SHISA6: variants seen among roughly 807,000 people sequenced by gnomAD.
The protein encoded by SHISA6 is shisa family member 6.
A neutral mutation model predicts 47.9 loss-of-function variants in SHISA6; 22 were observed. The observed-to-expected ratio is 0.46, with a 90% CI of 0.33 to 0.66. The LOEUF is 0.66. Ranked by LOEUF, SHISA6 falls within the 30% of genes least tolerant of loss-of-function variation. The pLI, the probability that SHISA6 is intolerant of heterozygous loss-of-function variation, is 0.02. For missense variants in SHISA6, 680 were observed against 764.6 expected (o/e 0.89, Z 1.30); for synonymous variants, 388 against 337.8 (o/e 1.15, Z -1.63).
At chr17:11,295,596 TAAAG>T (rs931212479) in intron 2 of SHISA6, among the ~76,000 whole-genome samples, 1 of 152,152 alleles carries the variant, frequency 6.6e-6, no homozygotes, top group Non-Finnish European at 1.5e-5. Flanking sequence ...TTGTAAATGA[TAAAG>T]GATGACAGGG....
chr17:11,331,896 C>T (rs1911130002), intron 2 of SHISA6, among the ~76,000 whole-genome samples: 3 of 152,152 alleles, frequency 2.0e-5, no homozygotes, highest in Admixed American at 6.5e-5. Context: ...AAACAGGAGC[C>T]TTCAGTGGCT....
At chr17:11,352,439 A>C (rs896037138) in intron 2 of SHISA6, among the ~76,000 whole-genome samples, 1 of 152,246 alleles carries the variant, frequency 6.6e-6, no homozygotes, top group African/African-American at 2.4e-5. Context: ...GAATTATTGC[A>C]GAAGCAGAAA....
At chr17:11,445,834 CTTTT>C (rs995393655) in intron 3 of SHISA6, among the ~76,000 whole-genome samples, 3 of 152,112 alleles carry the variant, frequency 2.0e-5, no homozygotes, top group Non-Finnish European at 2.9e-5. Context: ...TCCTTTCTTT[CTTTT>C]ATTTTTTGAA....
chr17:11,242,128 TCCTCTTCACTCTCGG>T, intron 1 of SHISA6, 68 bp downstream of exon 1: 1 of 1,535,636 alleles, frequency 6.5e-7, no homozygotes, highest in African/African-American at 1.4e-5. Flanking sequence ...GCTTCCCCTG[TCCTCTTCACTCTCGG>T]CATCATCACA....
At chr17:11,361,547 G>A (rs1341926459) in intron 2 of SHISA6, among the ~76,000 whole-genome samples, 2 of 152,300 alleles carry the variant, frequency 1.3e-5, no homozygotes, top group South Asian at 2.1e-4. Context: ...AGGTAATTAA[G>A]TGGGTAACTT....
intron 3 of SHISA6, among the ~76,000 whole-genome samples, chr17:11,473,727 T>C (rs144218318): frequency 2.3e-3 from 343 of 152,328 alleles, no homozygotes; most frequent in Non-Finnish European, 4.3e-3. Flanking sequence ...CCTCTGTTTT[T>C]CTTCCCCCAT....
chr17:11,352,408 A>G (rs1319109060), intron 2 of SHISA6, among the ~76,000 whole-genome samples: 2 of 152,246 alleles, frequency 1.3e-5, no homozygotes, highest in African/African-American at 2.4e-5. Flanking sequence ...GTAATTAGGC[A>G]GTCACTAGTG....
chr17:11,435,573 A>G (rs1914913478), intron 3 of SHISA6, among the ~76,000 whole-genome samples: 1 of 152,212 alleles, frequency 6.6e-6, no homozygotes, highest in East Asian at 1.9e-4. Context: ...ATCTTTGTTA[A>G]AAAACACAGA....
At chr17:11,502,770 C>T (rs1437234431) in intron 3 of SHISA6, among the ~76,000 whole-genome samples, 3 of 152,146 alleles carry the variant, frequency 2.0e-5, no homozygotes, top group Non-Finnish European at 4.4e-5. Flanking sequence ...TTGGCAGGCA[C>T]TGGGTGGGGT....
chr17:11,310,229 A>C (rs1910270438), intron 2 of SHISA6, among the ~76,000 whole-genome samples: 1 of 152,212 alleles, frequency 6.6e-6, no homozygotes, highest in Non-Finnish European at 1.5e-5. Context: ...TCTGTGTGCC[A>C]GGCACTGTTT....
At chr17:11,255,807 C>G (rs2142140455) in intron 1 of SHISA6, among the ~76,000 whole-genome samples, 1 of 152,258 alleles carries the variant, frequency 6.6e-6, no homozygotes, top group Admixed American at 6.5e-5. Flanking sequence ...TCCTCTTCTG[C>G]CTATGCTTTT....
At chr17:11,260,575 G>T (rs867724021) in intron 1 of SHISA6, among the ~76,000 whole-genome samples, 6 of 151,580 alleles carry the variant, frequency 4.0e-5, no homozygotes, top group Non-Finnish European at 5.9e-5. Context: ...TTTCCCTTTG[G>T]TTCTCTGTGG....
At chr17:11,361,409 C>G (rs948528532) in intron 2 of SHISA6, among the ~76,000 whole-genome samples, 4 of 152,074 alleles carry the variant, frequency 2.6e-5, no homozygotes, top group African/African-American at 9.7e-5. Flanking sequence ...ATCGTGGAAC[C>G]TAGGAACTTG....
chr17:11,410,304 A>G (rs1256950143), intron 3 of SHISA6, among the ~76,000 whole-genome samples: 3 of 152,202 alleles, frequency 2.0e-5, no homozygotes, highest in African/African-American at 7.2e-5. Flanking sequence ...AGCAATAGCA[A>G]TCCTTGAGCA....
At chr17:11,416,846 T>TA (rs755032659) in intron 3 of SHISA6, among the ~76,000 whole-genome samples, 6 of 152,258 alleles carry the variant, frequency 3.9e-5, no homozygotes, top group African/African-American at 1.2e-4. Flanking sequence ...AAGTCATTTT[T>TA]ATGTCTGACT....
chr17:11,319,582 TCTTA>T (rs1910644721), intron 2 of SHISA6, among the ~76,000 whole-genome samples: 1 of 152,240 alleles, frequency 6.6e-6, no homozygotes, highest in Non-Finnish European at 1.5e-5. Context: ...TGGATTGCCT[TCTTA>T]CTTTTAAAAT....
At chr17:11,341,935 G>A (rs542125389) in intron 2 of SHISA6, among the ~76,000 whole-genome samples, 1 of 152,294 alleles carries the variant, frequency 6.6e-6, no homozygotes, top group South Asian at 2.1e-4. Flanking sequence ...AGTGGGAGAA[G>A]AGGTGTCTGG....
chr17:11,412,732 G>A (rs1053291447), intron 3 of SHISA6, among the ~76,000 whole-genome samples: 21 of 152,102 alleles, frequency 1.4e-4, no homozygotes, highest in East Asian at 3.9e-4. Flanking sequence ...TAGTAGAGAC[G>A]GGGGAAGAAC....
chr17:11,487,513 T>G (rs1403725796), intron 3 of SHISA6, among the ~76,000 whole-genome samples: 1 of 152,132 alleles, frequency 6.6e-6, no homozygotes, highest in Non-Finnish European at 1.5e-5. Flanking sequence ...TATCTAGCCA[T>G]GTACCCAGGA....
Sources: gnomAD v4.1 joint callset for allele counts (sites outside exome capture counted in the v4.1 genomes callset) on GRCh38, gnomAD v4.1.1 for gene constraint, MANE v1.5 for transcripts, NCBI Gene and HGNC (gene_info 2026-07-23, HGNC 2026-07-21) for gene names.